Variants in PLCB4 observed in about 807,000 individuals in gnomAD.
PLCB4 encodes the protein phospholipase C beta 4.
A neutral mutation model predicts 178.8 loss-of-function variants in PLCB4; 77 were observed. The ratio of observed to expected loss-of-function variants is 0.43; its 90% confidence interval spans 0.36 to 0.52. The LOEUF is 0.52. PLCB4 is among the 20% of genes least tolerant of loss of function. The pLI is 0.00. For missense variants in PLCB4, 1,024 were observed against 1,453.4 expected (o/e 0.70, Z 4.80); for synonymous variants, 496 against 490.8 (o/e 1.01, Z -0.14).
chr20:9,479,949 A>G lies in PLCB4; in HGVS notation c.*940A>G, dbSNP rs2044784843. The G allele has an allele frequency of 6.6e-6, 1 of 152,530 alleles. No homozygotes were observed. The highest frequency in any genetic ancestry group is 2.4e-5 in the African/African-American group (1 of 41,466). 9.4% of individuals were successfully genotyped at this position (152,530 alleles called of 1,614,324 possible). ...TGCCAAATAAATACTGGTTAAATAA[A>G]TGTATGGCACAGAATATAATTTGAC... On this transcript the variant is annotated 3_prime_UTR_variant, in exon 40 of 40. Transcript: ENST00000378473.
At chr20:9,135,150 G>T (rs1223085734) in intron 2 of PLCB4, among the ~76,000 whole-genome samples, 1 of 151,972 alleles carries the variant, frequency 6.6e-6, no homozygotes, top group Non-Finnish European at 1.5e-5. Context: ...TCTGCACAAT[G>T]TGTGTGTATA....
chr20:9,444,083 C>T lies in PLCB4; in HGVS notation c.2814+53C>T, dbSNP rs2042263864. The T allele has an allele frequency of 1.5e-5, 21 of 1,431,320 alleles. 1 individual carries two copies. In the South Asian group the frequency reaches 2.3e-4, roughly 15 times the overall value. The allele number at this position is 1,431,320 out of a possible 1,614,324, so 88.7% of individuals were successfully genotyped here. A position where few individuals can be genotyped will look rare whatever the true frequency, so the allele number is the denominator to read the frequency against. On this transcript the variant is annotated intron_variant, in intron 31 of 39. Transcript: ENST00000378473. ...ACTCTTGTATTACACATATTGGTGA[C>T]ACCAATATATTTTTGTTTCTCACCA... is the stretch of plus-strand genomic sequence containing the variant.
At chr20:9,343,125 A>G (rs2033420254) in intron 7 of PLCB4, among the ~76,000 whole-genome samples, 1 of 152,126 alleles carries the variant, frequency 6.6e-6, no homozygotes, top group South Asian at 2.1e-4. Context: ...TCTTGGTCTG[A>G]CAAGTGAAAT....
chr20:9,413,386 G>A (rs1358054075), intron 25 of PLCB4, among the ~76,000 whole-genome samples: 1 of 149,702 alleles, frequency 6.7e-6, no homozygotes, highest in African/African-American at 2.5e-5. Context: ...GCCGAGGCGG[G>A]CAGTGGCTCA....
chr20:9,479,174 T>C lies in PLCB4; in HGVS notation c.*165T>C. The C allele has an allele frequency of 1.7e-6, 1 of 602,220 alleles. No individual in the cohort carries two copies. Among genetic ancestry groups the C allele is most frequent in the African/African-American group, 1.9e-5 (1 of 53,816 alleles). The allele number at this position is 602,220 out of a possible 1,614,324, so 37.3% of individuals were successfully genotyped here. On this transcript the variant is annotated 3_prime_UTR_variant, in exon 40 of 40. Coordinates refer to ENST00000378473, the MANE Select transcript of PLCB4 (RefSeq NM_001377142.1). ...TGACTTCTATTTAACAGCTTGAGTA[T>C]TGCATTTCCTTGGCCAAACAAAAAT...
rs1396442853 is a variant in PLCB4 at position 9,307,494 on chromosome 20, T to TATACACACACACAC, written c.-15-305_-15-304insTACACACACACACA. Among the ~76,000 whole-genome samples the TATACACACACACAC allele has an allele frequency of 3.1e-4, 43 of 138,180 alleles. 1 individual carries two copies. The highest frequency in any genetic ancestry group is 9.9e-4 in the African/African-American group (36 of 36,422). 90.7% of individuals were successfully genotyped at this position (138,180 alleles called of 152,430 possible). A position where few individuals can be genotyped will look rare whatever the true frequency, so the allele number is the denominator to read the frequency against. On this transcript the variant is annotated intron_variant, in intron 3 of 39. Coordinates refer to ENST00000378473, the MANE Select transcript of PLCB4 (RefSeq NM_001377142.1). ...GTGCCTTCAGATTTTAAAAAAAGAA[T>TATACACACACACAC]ACACACACACACACACACACACACA...
intron 3 of PLCB4, among the ~76,000 whole-genome samples, chr20:9,253,509 G>T (rs149658106): frequency 6.6e-6 from 1 of 152,234 alleles, no homozygotes; most frequent in East Asian, 1.9e-4. Context: ...GTGAAAATGG[G>T]TTTCCCTTCC....
intron 7 of PLCB4, among the ~76,000 whole-genome samples, chr20:9,348,460 T>G (rs949831972): frequency 1.3e-5 from 2 of 152,052 alleles, no homozygotes; most frequent in African/African-American, 4.8e-5. Context: ...GAACAATGAA[T>G]TTGTTTAAAT....
chr20:9,351,693 G>GTTTA (rs1053915555), intron 7 of PLCB4, among the ~76,000 whole-genome samples: 5 of 152,072 alleles, frequency 3.3e-5, no homozygotes, highest in Non-Finnish European at 5.9e-5. Flanking sequence ...GTCCTATTTA[G>GTTTA]TTTATAGAAT....
chr20:9,310,603 T>G (rs995039763), intron 4 of PLCB4, among the ~76,000 whole-genome samples: 6 of 151,676 alleles, frequency 4.0e-5, no homozygotes, highest in Non-Finnish European at 8.8e-5. Flanking sequence ...TCCCAGCTAC[T>G]TGGGAGGCTG....
At chr20:9,364,858 AT>A (rs965084160) in intron 8 of PLCB4, among the ~76,000 whole-genome samples, 4 of 152,292 alleles carry the variant, frequency 2.6e-5, no homozygotes, top group African/African-American at 9.6e-5. Context: ...AAAGCAAGGA[AT>A]TTTTCACCAT....
At chr20:9,440,069 A>G (rs2042017701) in intron 30 of PLCB4, among the ~76,000 whole-genome samples, 1 of 152,194 alleles carries the variant, frequency 6.6e-6, no homozygotes, top group African/African-American at 2.4e-5. Context: ...GTGGACTCTC[A>G]TCTTTCATCA....
chr20:9,474,230 G>A lies in PLCB4; in HGVS notation c.3495+865G>A, dbSNP rs867528487. Among the ~76,000 whole-genome samples, 30 of 148,078 alleles carry A rather than the reference G, an allele frequency of 2.0e-4. No homozygotes were observed. The South Asian group carries it at 6.4e-3, about 32-fold the overall frequency. On this transcript the variant is annotated intron_variant, in intron 38 of 39. Transcript: ENST00000378473. ...ACTCCATCTCAAAAAAAAAAAAAAA[G>A]GAGTTACCCAAACACCAACTGTTTA...
At chr20:9,450,163 T>C (rs2042666077) in intron 32 of PLCB4, among the ~76,000 whole-genome samples, 1 of 152,226 alleles carries the variant, frequency 6.6e-6, no homozygotes, top group Admixed American at 6.5e-5. Flanking sequence ...ACATTTAATT[T>C]TGGTACTCTT....
chr20:9,147,711 G>A (rs1013533790), intron 2 of PLCB4, among the ~76,000 whole-genome samples: 1 of 152,126 alleles, frequency 6.6e-6, no homozygotes, highest in Non-Finnish European at 1.5e-5. Context: ...GCAAGAATGA[G>A]AACAAACTCA....
chr20:9,473,351 A>AAAC lies in PLCB4; in HGVS notation c.3483_3485dup (p.Gln1162dup). 1 of 1,590,626 alleles carries AAAC rather than the reference A, an allele frequency of 6.3e-7. No homozygotes were observed. Among genetic ancestry groups the AAAC allele is most frequent in the Non-Finnish European group, 8.6e-7 (1 of 1,162,246 alleles). Reference sequence around the variant, plus strand: ...GCTTGAACATCTAGAATTCCTAGAGAAACAGAATGAGCAGGTATTTTACCT... The same window carrying AAAC: ...GCTTGAACATCTAGAATTCCTAGAGAAACAACAGAATGAGCAGGTATTTTACCT... On this transcript the variant is annotated inframe_insertion, in exon 38 of 40. Transcript: ENST00000378473.
intron 5 of PLCB4, among the ~76,000 whole-genome samples, chr20:9,337,672 G>A (rs950860515): frequency 1.3e-5 from 2 of 151,988 alleles, no homozygotes; most frequent in African/African-American, 4.8e-5. Context: ...ATAAAAATTA[G>A]CATTTTTCTC....
At chr20:9,266,314 C>T (rs987280408) in intron 3 of PLCB4, among the ~76,000 whole-genome samples, 2 of 152,226 alleles carry the variant, frequency 1.3e-5, no homozygotes, top group Middle Eastern at 3.4e-3. Flanking sequence ...TTAACAAGCT[C>T]GCTTGGTAAT....
intron 2 of PLCB4, among the ~76,000 whole-genome samples, chr20:9,182,265 G>T (rs1207193108): frequency 5.3e-5 from 8 of 152,160 alleles, no homozygotes; most frequent in African/African-American, 1.9e-4. Flanking sequence ...CATGTAAAGT[G>T]AGTAAAGGGT....
Sources: gnomAD v4.1 joint callset for allele counts (sites outside exome capture counted in the v4.1 genomes callset) on GRCh38, gnomAD v4.1.1 for gene constraint, MANE v1.5 for transcripts, NCBI Gene and HGNC (gene_info 2026-07-23, HGNC 2026-07-21) for gene names.